Variants in LRRC75A observed in about 807,000 individuals in gnomAD.
LRRC75A encodes the protein leucine-rich repeat-containing protein 75A.
Under a neutral mutation model 26.0 loss-of-function variants are expected in LRRC75A, and 12 were observed. That is an observed-to-expected ratio of 0.46 (90% CI 0.30 to 0.75). The LOEUF (loss-of-function observed/expected upper bound fraction) is 0.75. Ranked by LOEUF, LRRC75A falls within the 30% of genes least tolerant of loss-of-function variation. The pLI is 0.08. For synonymous variants in LRRC75A, 223 were observed against 219.3 expected, an observed-to-expected ratio of 1.02 and a Z score of -0.15; for missense variants, 410 against 486.6, an observed-to-expected ratio of 0.84 and a Z score of 1.48.
chr17:16,451,419 G>C (rs1004307588), intron 2 of LRRC75A, among the ~76,000 whole-genome samples: 4 of 152,006 alleles, frequency 2.6e-5, no homozygotes, highest in Admixed American at 6.5e-5. Context: ...TCAGGAGTTC[G>C]AGATCAGCCT....
At chr17:16,481,696 A>G (rs868210875) in intron 1 of LRRC75A, among the ~76,000 whole-genome samples, 8 of 151,958 alleles carry the variant, frequency 5.3e-5, no homozygotes, top group African/African-American at 1.9e-4. Context: ...GAGGGGAGAC[A>G]TGTCTCCTCC....
At chr17:16,479,505 T>C (rs978984683) in intron 1 of LRRC75A, among the ~76,000 whole-genome samples, 1 of 152,218 alleles carries the variant, frequency 6.6e-6, no homozygotes, top group African/African-American at 2.4e-5. Context: ...AAGCCTTGAC[T>C]CTGGCTGTGC....
intron 3 of LRRC75A, among the ~76,000 whole-genome samples, chr17:16,444,674 C>T (rs1568945165): frequency 1.3e-5 from 2 of 151,880 alleles, no homozygotes; most frequent in Non-Finnish European, 2.9e-5. Flanking sequence ...CTGGTGGCAG[C>T]TGCTGACTCC....
rs77521328 is a variant in LRRC75A at position 16,472,672 on chromosome 17, A to G, written c.247-10286T>C. ...CATGTTAAGGAGAATTAGGCGTATCAGAGTATCTAACAGATTGGCCTTCCA... is the reference window on the plus strand; with the variant it reads ...CATGTTAAGGAGAATTAGGCGTATCGGAGTATCTAACAGATTGGCCTTCCA... On this transcript the variant is annotated intron_variant, in intron 1 of 3. Coordinates refer to ENST00000470794, the MANE Select transcript of LRRC75A (RefSeq NM_001113567.3). Among the ~76,000 whole-genome samples the G allele has an allele frequency of 2.7e-3, 412 of 152,364 alleles. 7 individuals carry two copies. In the South Asian group the frequency reaches 0.048, roughly 18 times the overall value.
At chr17:16,484,383 C>T (rs2093841492) in intron 1 of LRRC75A, among the ~76,000 whole-genome samples, 1 of 152,146 alleles carries the variant, frequency 6.6e-6, no homozygotes, top group Non-Finnish European at 1.5e-5. Context: ...AAAATCCACC[C>T]CCTAAGCAGC....
chr17:16,450,248 G>T (rs113517675), intron 2 of LRRC75A, among the ~76,000 whole-genome samples: 2,782 of 152,322 alleles, frequency 0.018, 77 homozygotes, highest in African/African-American at 0.064. Flanking sequence ...GCTTGGGGCT[G>T]ATGGGAAGGC....
Position 16,491,924 on chromosome 17 carries a change from G to T in LRRC75A, c.67C>A (p.Arg23=), listed in dbSNP as rs552449211. ...RASPGAAPGP[R]RERPDFWASL... ...GCCCAGAAGTCCGGCCGTTCGCGTC[G>T]GGGGCCCGGCGCGGCGCCGGGGCTG... The change falls in exon 1 of 4, where the codon CGA becomes AGA. Residue 23 remains arginine, a synonymous_variant. Transcript: ENST00000470794. The surrounding 1 kb of genome is among the most constrained non-coding windows in gnomAD (Gnocchi z 5.9). 5.3e-4 allele frequency: 661 copies of T among 1,253,716 alleles called. 5 individuals carry two copies. The Admixed American group carries it at 0.012, about 23-fold the overall frequency. 77.7% of individuals were successfully genotyped at this position (1,253,716 alleles called of 1,614,324 possible).
intron 2 of LRRC75A, among the ~76,000 whole-genome samples, chr17:16,453,348 G>GCACA (rs147019550): frequency 3.4e-5 from 5 of 145,818 alleles, no homozygotes; most frequent in African/African-American, 7.5e-5. Context: ...ACACGCACAC[G>GCACA]CACACACACA....
chr17:16,452,244 C>T (rs1386755820), intron 2 of LRRC75A, among the ~76,000 whole-genome samples: 1 of 150,746 alleles, frequency 6.6e-6, no homozygotes, highest in Non-Finnish European at 1.5e-5. Context: ...GCAGTCCCAG[C>T]TACCCGGGAG....
chr17:16,475,734 G>A (rs2038601819), intron 1 of LRRC75A, among the ~76,000 whole-genome samples: 1 of 151,878 alleles, frequency 6.6e-6, no homozygotes, highest in Non-Finnish European at 1.5e-5. Flanking sequence ...TACCACACCA[G>A]CTAATTAAAA....
At position 16,443,718 on chromosome 17, in the gene LRRC75A, C is replaced by G; in HGVS notation, c.905G>C (p.Gly302Ala). 2 of 1,613,556 alleles carry G rather than the reference C, an allele frequency of 1.2e-6. No individual in the cohort carries two copies. Among genetic ancestry groups the G allele is most frequent in the Non-Finnish European group, 1.7e-6 (2 of 1,179,722 alleles). The change falls in exon 4 of 4, where the codon GGT (glycine) becomes GCT (alanine). Residue 302 changes from glycine to alanine, a missense_variant. By Grantham distance (60) the Gly-to-Ala change is moderately conservative (BLOSUM62 0). Transcript: ENST00000470794. ...QGHLPTILEL[G>A]EGPGSGEEVR... ...CTCCTCCCCACTGCCTGGGCCCTCACCCAGCTCCAGGATGGTGGGTAGGTG... is the reference window on the plus strand; with the variant it reads ...CTCCTCCCCACTGCCTGGGCCCTCAGCCAGCTCCAGGATGGTGGGTAGGTG...
At position 16,444,146 on chromosome 17, in the gene LRRC75A, GACAA is replaced by G; in HGVS notation, c.492-19_492-16del. 1.9e-6 allele frequency: 3 copies of G among 1,570,042 alleles called. No homozygotes were observed. The highest frequency in any genetic ancestry group is 2.3e-5 in the South Asian group (2 of 86,228). ...CAGCCTTGAGGCTGAAGGGAAAAAG[GACAA>G]ACAAGGCTCAGGCACATAGGGCAGG... On this transcript the variant is annotated splice_polypyrimidine_tract_variant and intron_variant, in intron 3 of 3. Transcript: ENST00000470794.
In LRRC75A at chr17:16,443,867, G is replaced by A. The variant is rs1295600451; in HGVS notation, c.756C>T (p.Asp252=). 2.5e-6 allele frequency: 4 copies of A among 1,613,690 alleles called. No individual in the cohort carries two copies. Among genetic ancestry groups the A allele is most frequent in the Non-Finnish European group, 3.4e-6 (4 of 1,179,620 alleles). The change falls in exon 4 of 4, where the codon GAC becomes GAT. Residue 252 remains aspartate (D), a synonymous_variant. Coordinates refer to ENST00000470794, the MANE Select transcript of LRRC75A (RefSeq NM_001113567.3). ...GGAACTTGCTGGGATCCTTAAGGATGTCAGTGAGGTCGCGCAGCACGGCCC... is the reference window on the plus strand; with the variant it reads ...GGAACTTGCTGGGATCCTTAAGGATATCAGTGAGGTCGCGCAGCACGGCCC... ...LTRAVLRDLT[D]ILKDPSKFPN... is the part of the protein sequence containing the mutation.
chr17:16,445,928 AGATG>A (rs1475179238), intron 3 of LRRC75A, among the ~76,000 whole-genome samples: 1 of 152,098 alleles, frequency 6.6e-6, no homozygotes, highest in Non-Finnish European at 1.5e-5. Context: ...TGTTTCTTGG[AGATG>A]GAGTCTCACT....
intron 2 of LRRC75A, among the ~76,000 whole-genome samples, chr17:16,453,751 A>C (rs2093654525): frequency 6.6e-6 from 1 of 151,542 alleles, no homozygotes; most frequent in South Asian, 2.1e-4. Context: ...GGAAATTGGA[A>C]GGCCTCAGAA....
intron 1 of LRRC75A, among the ~76,000 whole-genome samples, chr17:16,478,926 C>T (rs1442711194): frequency 6.6e-6 from 1 of 152,224 alleles, no homozygotes; most frequent in Admixed American, 6.5e-5. Flanking sequence ...GTGACTAAGC[C>T]TGAAGAAGTG....
At chr17:16,485,665 TGTGTTC>T (rs1291456269) in intron 1 of LRRC75A, among the ~76,000 whole-genome samples, 185 of 128,974 alleles carry the variant, frequency 1.4e-3, no homozygotes, top group Middle Eastern at 4.4e-3. Context: ...TGTGTGTGTG[TGTGTTC>T]GTGTGTGTGT....
At chr17:16,449,195 G>A (rs570121122) in intron 2 of LRRC75A, among the ~76,000 whole-genome samples, 145 of 152,350 alleles carry the variant, frequency 9.5e-4, no homozygotes, top group African/African-American at 3.4e-3. Flanking sequence ...CACGCACAGT[G>A]CTCAGCATGG....
chr17:16,490,319 G>C (rs1218592944), intron 1 of LRRC75A, among the ~76,000 whole-genome samples: 1 of 152,214 alleles, frequency 6.6e-6, no homozygotes, highest in African/African-American at 2.4e-5. Flanking sequence ...GTTTAAAAGT[G>C]AAAGAGTTAC....
Sources: allele counts gnomAD v4.1 joint callset (sites outside exome capture counted in the v4.1 genomes callset), GRCh38; gene constraint gnomAD v4.1.1; non-coding constraint Gnocchi (gnomAD v3.1); transcripts MANE v1.5; gene names NCBI Gene and HGNC (gene_info 2026-07-23, HGNC 2026-07-21).